SRBD1: variants seen among roughly 807,000 people sequenced by gnomAD.
SRBD1 encodes S1 RNA binding domain 1.
A neutral mutation model predicts 115.3 loss-of-function variants in SRBD1; 88 were observed. That is an observed-to-expected ratio of 0.76 (90% CI 0.64 to 0.91). The LOEUF (loss-of-function observed/expected upper bound fraction) is 0.91, where lower values mean the gene tolerates loss of function less well. SRBD1 is among the 40% of genes least tolerant of loss of function. The pLI, the probability that SRBD1 is intolerant of heterozygous loss-of-function variation, is 0.00. For missense variants in SRBD1, 1,385 were observed against 1,177.4 expected (o/e 1.18, Z -2.58); for synonymous variants, 509 against 407.7 (o/e 1.25, Z -2.99).
At chr2:45,437,450 A>G (rs1668532539) in intron 16 of SRBD1, among the ~76,000 whole-genome samples, 2 of 152,218 alleles carry the variant, frequency 1.3e-5, no homozygotes, top group African/African-American at 4.8e-5. Flanking sequence ...ACAAAAGAGC[A>G]AAGGCAATAC....
chr2:45,485,898 C>G (rs1403300802), intron 15 of SRBD1, among the ~76,000 whole-genome samples: 1 of 152,162 alleles, frequency 6.6e-6, no homozygotes, highest in African/African-American at 2.4e-5. Flanking sequence ...AGACTCCAAG[C>G]TCTTTGAATA....
chr2:45,607,113 T>G (rs1208788969), intron 1 of SRBD1, among the ~76,000 whole-genome samples: 1 of 152,190 alleles, frequency 6.6e-6, no homozygotes, highest in East Asian at 1.9e-4. Context: ...TTCCCTTCAC[T>G]CTCTTTTTGG....
At chr2:45,456,852 G>C (rs1016946200) in intron 16 of SRBD1, among the ~76,000 whole-genome samples, 7 of 151,800 alleles carry the variant, frequency 4.6e-5, no homozygotes, top group African/African-American at 1.5e-4. Context: ...CGTAACTCTG[G>C]ATTAGGGCAC....
intron 1 of SRBD1, among the ~76,000 whole-genome samples, chr2:45,607,975 G>A (rs561519856): frequency 6.6e-6 from 1 of 152,262 alleles, no homozygotes; most frequent in Non-Finnish European, 1.5e-5. Flanking sequence ...AAGGTGCTAA[G>A]CTTCCCATCA....
At chr2:45,463,211 C>G (rs1207594907) in intron 16 of SRBD1, among the ~76,000 whole-genome samples, 1 of 152,166 alleles carries the variant, frequency 6.6e-6, no homozygotes, top group Non-Finnish European at 1.5e-5. Flanking sequence ...CCCTTCCTGT[C>G]TCTGTACCAC....
At position 45,456,524 on chromosome 2, in the gene SRBD1, A is replaced by G. The variant is rs576089339; in HGVS notation, c.2049+20469T>C. On this transcript the variant is annotated intron_variant, in intron 16 of 20. Coordinates refer to ENST00000263736, the MANE Select transcript of SRBD1 (RefSeq NM_018079.5). ...ATTAATGGCTACTGTCATATAACCAATGTTAAAAAATATATTGTTTCAGAC... is the reference window on the plus strand; with the variant it reads ...ATTAATGGCTACTGTCATATAACCAGTGTTAAAAAATATATTGTTTCAGAC... Among the ~76,000 whole-genome samples, 11 of 152,066 alleles carry G rather than the reference A, an allele frequency of 7.2e-5. No individual in the cohort carries two copies. In the East Asian group the frequency reaches 2.1e-3, roughly 29 times the overall value.
chr2:45,453,213 T>A (rs1302956020), intron 16 of SRBD1, among the ~76,000 whole-genome samples: 2 of 148,490 alleles, frequency 1.3e-5, no homozygotes, highest in Admixed American at 1.4e-4. Flanking sequence ...CTGGGGAAAC[T>A]GGTATTCACC....
intron 14 of SRBD1, among the ~76,000 whole-genome samples, chr2:45,541,374 C>T (rs190117460): frequency 1.3e-5 from 2 of 152,364 alleles, no homozygotes; most frequent in African/African-American, 2.4e-5. Context: ...TTTTCTCCTT[C>T]TCAAGGTCTG....
chr2:45,480,348 A>T (rs1049584237), intron 15 of SRBD1, among the ~76,000 whole-genome samples: 3 of 152,224 alleles, frequency 2.0e-5, no homozygotes. Context: ...AGGATTTACC[A>T]TTCTAGATGC....
intron 14 of SRBD1, among the ~76,000 whole-genome samples, chr2:45,512,540 AG>A (rs546200103): frequency 5.8e-4 from 88 of 152,314 alleles, no homozygotes; most frequent in Middle Eastern, 3.4e-3. Context: ...ATTTACACCA[AG>A]GGCAAATATC....
chr2:45,510,615 A>G (rs1465460580), intron 14 of SRBD1, among the ~76,000 whole-genome samples: 1 of 152,230 alleles, frequency 6.6e-6, no homozygotes, highest in African/African-American at 2.4e-5. Context: ...AAGTATCACA[A>G]ACAGCAAGAG....
At chr2:45,531,821 G>C (rs1352463528) in intron 14 of SRBD1, among the ~76,000 whole-genome samples, 1 of 151,728 alleles carries the variant, frequency 6.6e-6, no homozygotes, top group Non-Finnish European at 1.5e-5. Flanking sequence ...TCTTTCTTCA[G>C]ACTCAGTTTC....
intron 15 of SRBD1, 151 bp from the exon 16 acceptor site, chr2:45,477,226 C>T (rs1309526560): frequency 7.8e-6 from 5 of 639,186 alleles, no homozygotes; most frequent in Non-Finnish European, 1.3e-5. Context: ...TTTCAAAGTT[C>T]TCTTTTTTCC....
chr2:45,521,412 A>G (rs1245678680), intron 14 of SRBD1, among the ~76,000 whole-genome samples: 1 of 152,130 alleles, frequency 6.6e-6, no homozygotes, highest in East Asian at 1.9e-4. Flanking sequence ...GATGTTCAAC[A>G]TCTTAGTCAC....
At chr2:45,576,532 T>G (rs6760635) in intron 7 of SRBD1, among the ~76,000 whole-genome samples, 24,503 of 152,160 alleles carry the variant, frequency 0.16, 2,970 homozygotes, top group African/African-American at 0.34. Context: ...AAACTAATAG[T>G]AATTCTATTT....
intron 14 of SRBD1, among the ~76,000 whole-genome samples, chr2:45,496,000 C>A (rs1476043508): frequency 6.6e-6 from 1 of 152,126 alleles, no homozygotes; most frequent in African/African-American, 2.4e-5. Context: ...GTCTTTTGTA[C>A]TCAAATTTGT....
At chr2:45,428,569 AATAAATAAATAAATAC>A (rs1255121285) in intron 16 of SRBD1, among the ~76,000 whole-genome samples, 7 of 122,932 alleles carry the variant, frequency 5.7e-5, no homozygotes, top group African/African-American at 2.0e-4. Flanking sequence ...TAAATAAATA[AATAAATAAATAAATAC>A]ATAAATAAAT....
intron 4 of SRBD1, among the ~76,000 whole-genome samples, chr2:45,597,374 C>T (rs1189826925): frequency 1.3e-5 from 2 of 150,804 alleles, no homozygotes; most frequent in African/African-American, 4.9e-5. Flanking sequence ...GAGCCAAGAT[C>T]GCGCCACTGT....
chr2:45,605,526 A>C (rs1572833811), intron 1 of SRBD1, 85 bp from the exon 2 acceptor site: 6 of 1,254,928 alleles, frequency 4.8e-6, no homozygotes, highest in Middle Eastern at 1.9e-4. Context: ...ATTCAAAACT[A>C]ACATTTCATA....
Sources: gnomAD v4.1 joint callset for allele counts (sites outside exome capture counted in the v4.1 genomes callset) on GRCh38, gnomAD v4.1.1 for gene constraint, MANE v1.5 for transcripts, NCBI Gene and HGNC (gene_info 2026-07-23, HGNC 2026-07-21) for gene names.